CTIF: variants seen among roughly 807,000 people sequenced by gnomAD.
CTIF encodes the protein CBP80/20-dependent translation initiation factor.
In CTIF, 21 loss-of-function variants were observed where a neutral mutation model predicts 66.0. That is an observed-to-expected ratio of 0.32 (90% CI 0.23 to 0.46). The LOEUF (loss-of-function observed/expected upper bound fraction) is 0.46, where lower values mean the gene tolerates loss of function less well. Among genes scored for constraint, CTIF ranks in the 20% least tolerant of loss-of-function variants. The pLI is 1.00. For synonymous variants in CTIF, 345 were observed against 326.4 expected, an observed-to-expected ratio of 1.06 and a Z score of -0.62; for missense variants, 739 against 812.7, an observed-to-expected ratio of 0.91 and a Z score of 1.10.
intron 6 of CTIF, among the ~76,000 whole-genome samples, chr18:48,675,779 C>T (rs1007522764): frequency 1.3e-5 from 2 of 152,192 alleles, no homozygotes; most frequent in African/African-American, 4.8e-5. Context: ...GGGGAACACC[C>T]ACTGGGGTGG....
At chr18:48,712,796 T>C (rs2092240796) in intron 7 of CTIF, among the ~76,000 whole-genome samples, 1 of 152,138 alleles carries the variant, frequency 6.6e-6, no homozygotes, top group South Asian at 2.1e-4. Context: ...ACACCCTGAA[T>C]AGGGATTATT....
At chr18:48,729,427 G>A (rs923546431) in intron 7 of CTIF, among the ~76,000 whole-genome samples, 1 of 152,198 alleles carries the variant, frequency 6.6e-6, no homozygotes, top group Non-Finnish European at 1.5e-5. Context: ...AGGCTTCCTT[G>A]CTTAGGTGGG....
intron 9 of CTIF, among the ~76,000 whole-genome samples, chr18:48,783,701 G>A (rs72913723): frequency 0.066 from 10,009 of 152,014 alleles, 407 homozygotes; most frequent in Non-Finnish European, 0.091. Flanking sequence ...CTATCCTCTC[G>A]GCTGGAGACA....
chr18:48,698,729 G>T (rs1000847654), intron 6 of CTIF, among the ~76,000 whole-genome samples: 1 of 152,124 alleles, frequency 6.6e-6, no homozygotes, highest in Non-Finnish European at 1.5e-5. Context: ...TCTTAGGGAG[G>T]ACTCTTCTGA....
At chr18:48,680,474 T>C (rs2091721115) in intron 6 of CTIF, among the ~76,000 whole-genome samples, 1 of 152,230 alleles carries the variant, frequency 6.6e-6, no homozygotes, top group Admixed American at 6.5e-5. Context: ...AGCTCAGGGT[T>C]GAGAAGAGGC....
At chr18:48,810,820 T>A (rs947757866) in intron 9 of CTIF, among the ~76,000 whole-genome samples, 1 of 151,808 alleles carries the variant, frequency 6.6e-6, no homozygotes, top group Non-Finnish European at 1.5e-5. Context: ...TGTATTTTTA[T>A]ATATAAAACC....
intron 10 of CTIF, among the ~76,000 whole-genome samples, chr18:48,818,263 G>A (rs1269526044): frequency 1.3e-5 from 2 of 152,212 alleles, no homozygotes; most frequent in South Asian, 4.1e-4. Flanking sequence ...TTGGTGGCTT[G>A]GAAGACAGCC....
chr18:48,767,393 G>A (rs1164629400), intron 9 of CTIF, among the ~76,000 whole-genome samples: 1 of 152,140 alleles, frequency 6.6e-6, no homozygotes, highest in Non-Finnish European at 1.5e-5. Context: ...GTCCACGTGG[G>A]CTCTGGGAAT....
At chr18:48,703,291 G>A (rs2092107868) in intron 6 of CTIF, among the ~76,000 whole-genome samples, 1 of 152,210 alleles carries the variant, frequency 6.6e-6, no homozygotes, top group South Asian at 2.1e-4. Context: ...GGGGCAGACA[G>A]GTGATCAGCT....
chr18:48,673,205 T>C (rs1475090487), intron 6 of CTIF, among the ~76,000 whole-genome samples: 1 of 152,222 alleles, frequency 6.6e-6, no homozygotes, highest in Non-Finnish European at 1.5e-5. Flanking sequence ...GGCCATTTCC[T>C]TCAGCCTCAT....
intron 1 of CTIF, among the ~76,000 whole-genome samples, chr18:48,582,680 G>A (rs1426575832): frequency 2.0e-5 from 3 of 152,088 alleles, no homozygotes; most frequent in East Asian, 1.9e-4. Context: ...GAGTGCTTGC[G>A]GTAGTAGTAG....
At chr18:48,767,749 G>A (rs12605305) in intron 9 of CTIF, among the ~76,000 whole-genome samples, 57,415 of 152,006 alleles carry the variant, frequency 0.38, 11,463 homozygotes, top group East Asian at 0.72. Context: ...CTAGAAGACA[G>A]CCTGTTAAAA....
chr18:48,830,119 C>T (rs2068659730), intron 10 of CTIF, among the ~76,000 whole-genome samples: 1 of 152,194 alleles, frequency 6.6e-6, no homozygotes, highest in African/African-American at 2.4e-5. Flanking sequence ...CAGTCTTCTG[C>T]AGCTTACCCT....
intron 1 of CTIF, chr18:48,565,258 CT>C (rs2089254273): frequency 6.6e-6 from 1 of 152,170 alleles, no homozygotes; most frequent in Admixed American, 6.5e-5. Flanking sequence ...GTGACGCGTT[CT>C]TGGCGGAGAG....
chr18:48,619,492 T>C (rs1192108150), intron 1 of CTIF, 46 bp from the exon 2 acceptor site: 1 of 1,266,464 alleles, frequency 7.9e-7, no homozygotes, highest in Admixed American at 3.4e-5. Flanking sequence ...CATCGTCGTC[T>C]CCTCCAGCAG....
At chr18:48,565,698 G>C (rs2089264617) in intron 1 of CTIF, 1 of 152,036 alleles carries the variant, frequency 6.6e-6, no homozygotes, top group Non-Finnish European at 1.5e-5. Flanking sequence ...CCACATGCCT[G>C]GGACAGTGCC....
chr18:48,603,513 G>GGATGGATGGATGGATA, intron 1 of CTIF, among the ~76,000 whole-genome samples: 1 of 150,312 alleles, frequency 6.7e-6, no homozygotes, highest in Non-Finnish European at 1.5e-5. Context: ...ATGGATGGAT[G>GGATGGATGGATGGATA]GATGGATGGA....
intron 1 of CTIF, among the ~76,000 whole-genome samples, chr18:48,597,489 C>A (rs962068710): frequency 6.6e-6 from 1 of 152,150 alleles, no homozygotes; most frequent in Non-Finnish European, 1.5e-5. Context: ...TTGGTGCCAT[C>A]CCCTTGGTGA....
At chr18:48,699,565 C>T (rs967153051) in intron 6 of CTIF, among the ~76,000 whole-genome samples, 3 of 152,156 alleles carry the variant, frequency 2.0e-5, no homozygotes, top group Non-Finnish European at 2.9e-5. Context: ...TGACCACATT[C>T]TAGGATGGTT....
Sources: allele counts gnomAD v4.1 joint callset (sites outside exome capture counted in the v4.1 genomes callset), GRCh38; gene constraint gnomAD v4.1.1; transcripts MANE v1.5; gene names NCBI Gene and HGNC (gene_info 2026-07-23, HGNC 2026-07-21).